The following PCDH7 variants were observed in gnomAD, a reference collection of about 807,000 sequenced individuals.
The protein encoded by PCDH7 is protocadherin-7.
Under a neutral mutation model 58.9 loss-of-function variants are expected in PCDH7, and 17 were observed. The observed-to-expected ratio is 0.29, with a 90% CI of 0.20 to 0.43. The LOEUF (loss-of-function observed/expected upper bound fraction) is 0.43, where lower values mean the gene tolerates loss of function less well. PCDH7 is among the 20% of genes least tolerant of loss of function. The probability of loss-of-function intolerance (pLI) is 1.00; values close to 1 mark genes in which losing one functional copy is unlikely to be tolerated. For missense variants in PCDH7, 1,274 were observed against 1,441.0 expected (o/e 0.88, Z 1.88); for synonymous variants, 664 against 616.4 (o/e 1.08, Z -1.14).
intron 3 of PCDH7, among the ~76,000 whole-genome samples, chr4:31,129,208 G>A (rs1479744461): frequency 6.6e-6 from 1 of 152,162 alleles, no homozygotes; most frequent in Non-Finnish European, 1.5e-5. Flanking sequence ...ATATGAATAG[G>A]TAGCAGACTT....
chr4:31,001,848 T>G (rs541783453), intron 3 of PCDH7, among the ~76,000 whole-genome samples: 1 of 152,210 alleles, frequency 6.6e-6, no homozygotes, highest in Non-Finnish European at 1.5e-5. Context: ...TATTTACCCC[T>G]ACTTCTATGT....
intron 3 of PCDH7, among the ~76,000 whole-genome samples, chr4:31,067,644 G>C (rs1018204972): frequency 1.8e-4 from 28 of 152,014 alleles, no homozygotes; most frequent in African/African-American, 6.3e-4. Flanking sequence ...ATAAATATAT[G>C]AAATGAGTAA....
At chr4:30,905,827 C>T (rs948795731) in intron 1 of PCDH7, among the ~76,000 whole-genome samples, 6 of 152,178 alleles carry the variant, frequency 3.9e-5, no homozygotes, top group African/African-American at 1.4e-4. Context: ...TTCTATTTTA[C>T]ACCAGCCTTG....
intron 1 of PCDH7, among the ~76,000 whole-genome samples, chr4:30,831,184 A>C (rs573538458): frequency 6.6e-6 from 1 of 152,122 alleles, no homozygotes; most frequent in East Asian, 1.9e-4. Flanking sequence ...ATCCTCTCCA[A>C]CTGGACAGAA....
intron 1 of PCDH7, among the ~76,000 whole-genome samples, chr4:30,919,110 A>G (rs1742848202): frequency 6.6e-6 from 1 of 152,154 alleles, no homozygotes; most frequent in African/African-American, 2.4e-5. Flanking sequence ...AGTCTGAGTT[A>G]TAAGTTTAAA....
chr4:30,791,769 A>G (rs1274332295), intron 1 of PCDH7, among the ~76,000 whole-genome samples: 1 of 152,214 alleles, frequency 6.6e-6, no homozygotes, highest in Non-Finnish European at 1.5e-5. Context: ...GAAAGCCAAA[A>G]TCAAATCTCT....
intron 1 of PCDH7, among the ~76,000 whole-genome samples, chr4:30,797,654 T>C (rs1451488335): frequency 1.3e-5 from 2 of 152,212 alleles, no homozygotes; most frequent in African/African-American, 2.4e-5. Context: ...CCATAATGTC[T>C]TCACTGGGAA....
Position 30,895,675 on chromosome 4 carries a change from G to GA in PCDH7, c.71-24471dup, listed in dbSNP as rs56125133. On this transcript the variant is annotated intron_variant, in intron 1 of 3. Transcript: ENST00000509759. ...TACCTTGCAAAGAATCCCAGGATAT[G>GA]AAAAAAATCTCCTTCTTACCCCTCC... 2.0e-5 allele frequency among the ~76,000 whole-genome samples: 3 copies of GA among 152,120 alleles called. No homozygotes were observed. In the East Asian group the frequency reaches 5.8e-4, roughly 29 times the overall value.
intron 1 of PCDH7, among the ~76,000 whole-genome samples, chr4:30,760,980 C>G (rs138297814): frequency 6.6e-6 from 1 of 152,120 alleles, no homozygotes; most frequent in African/African-American, 2.4e-5. Flanking sequence ...AAAAATGAGA[C>G]GTCTGTAAAT....
At chr4:30,865,361 G>A (rs1018475057) in intron 1 of PCDH7, among the ~76,000 whole-genome samples, 1 of 152,068 alleles carries the variant, frequency 6.6e-6, no homozygotes. Context: ...CTTTTAATAA[G>A]TATTAGAACA....
intron 3 of PCDH7, among the ~76,000 whole-genome samples, chr4:30,963,746 C>T (rs2109463182): frequency 1.3e-5 from 2 of 152,238 alleles, no homozygotes; most frequent in African/African-American, 4.8e-5. Flanking sequence ...AACAGCACAA[C>T]CAAGTGAACT....
intron 1 of PCDH7, among the ~76,000 whole-genome samples, chr4:30,880,614 T>C (rs1481087922): frequency 6.6e-6 from 1 of 152,204 alleles, no homozygotes; most frequent in East Asian, 1.9e-4. Context: ...ACAGGAGTTC[T>C]ATCTTCTTGC....
At chr4:31,130,475 A>G (rs1164023104) in intron 3 of PCDH7, among the ~76,000 whole-genome samples, 1 of 152,214 alleles carries the variant, frequency 6.6e-6, no homozygotes, top group Non-Finnish European at 1.5e-5. Context: ...ACAAAGCACA[A>G]ATGCAGCAAG....
intron 3 of PCDH7, among the ~76,000 whole-genome samples, chr4:31,123,142 G>T (rs531530764): frequency 1.3e-5 from 2 of 151,922 alleles, no homozygotes; most frequent in Non-Finnish European, 2.9e-5. Context: ...TAAAAGAAAT[G>T]TATTTGGTAC....
At chr4:31,049,046 C>T (rs375360309) in intron 3 of PCDH7, among the ~76,000 whole-genome samples, 3 of 152,108 alleles carry the variant, frequency 2.0e-5, no homozygotes, top group Non-Finnish European at 4.4e-5. Flanking sequence ...ATGTGCACAA[C>T]GTGCAGGTTT....
At position 30,721,210 on chromosome 4, in the gene PCDH7, G is replaced by C. The variant is rs2593616; in HGVS notation, c.-213G>C. On this transcript the variant is annotated 5_prime_UTR_variant, in exon 1 of 2. Transcript: ENST00000361762. The surrounding 1 kb of genome is among the most constrained non-coding windows in gnomAD (Gnocchi z 6.7). The stretch of plus-strand genomic sequence containing the variant: ...GAAACAATAACTTTCGGAAGAAGCA[G>C]GAGGAAAAAAAGAAGCATCTATCGC... 1.8e-6 allele frequency: 1 copy of C among 543,142 alleles called. No individual in the cohort carries two copies. The highest frequency in any genetic ancestry group is 3.2e-6 in the Non-Finnish European group (1 of 310,148). The allele number at this position is 543,142 out of a possible 1,614,324, so 33.6% of individuals were successfully genotyped here. A position where few individuals can be genotyped will look rare whatever the true frequency, so the allele number is the denominator to read the frequency against.
intron 1 of PCDH7, among the ~76,000 whole-genome samples, chr4:30,889,948 C>A (rs926659108): frequency 2.0e-5 from 3 of 152,090 alleles, no homozygotes; most frequent in Non-Finnish European, 2.9e-5. Flanking sequence ...TCTTTGTAGG[C>A]AGACAAATAC....
chr4:30,899,609 T>C (rs929245596), intron 1 of PCDH7, among the ~76,000 whole-genome samples: 7 of 152,224 alleles, frequency 4.6e-5, no homozygotes, highest in Non-Finnish European at 8.8e-5. Context: ...TGATAATCTC[T>C]AAGAGATCCT....
At chr4:30,801,896 C>T (rs1725569913) in intron 1 of PCDH7, among the ~76,000 whole-genome samples, 1 of 152,052 alleles carries the variant, frequency 6.6e-6, no homozygotes, top group Non-Finnish European at 1.5e-5. Context: ...ATTTAGATTC[C>T]AGAGAGAGAA....
Sources: allele counts gnomAD v4.1 joint callset (sites outside exome capture counted in the v4.1 genomes callset), GRCh38; gene constraint gnomAD v4.1.1; non-coding constraint Gnocchi (gnomAD v3.1); transcripts MANE v1.5; gene names NCBI Gene and HGNC (gene_info 2026-07-23, HGNC 2026-07-21).